The following CD36 variants were observed in gnomAD, a reference collection of about 807,000 sequenced individuals.
The protein encoded by CD36 is platelet glycoprotein 4.
In CD36, 119 loss-of-function variants were observed where a neutral mutation model predicts 55.2. The ratio of observed to expected loss-of-function variants is 2.15; its 90% confidence interval spans 1.86 to 2.51. The LOEUF is 2.51. Among genes scored for constraint, CD36 ranks in the 30% most tolerant of loss-of-function variants. CD36 has a pLI of 0.00. For synonymous variants in CD36, 186 were observed against 193.6 expected, an observed-to-expected ratio of 0.96 and a Z score of 0.33; for missense variants, 819 against 555.5, an observed-to-expected ratio of 1.47 and a Z score of -4.77.
intron 3 of CD36, among the ~76,000 whole-genome samples, chr7:80,647,956 AG>A (rs1408062021): frequency 1.3e-5 from 2 of 152,170 alleles, no homozygotes; most frequent in African/African-American, 4.8e-5. Context: ...CTATATTGTT[AG>A]TATTTTTAAT....
At chr7:80,639,485 G>A (rs891521270) in intron 1 of CD36, among the ~76,000 whole-genome samples, 1 of 151,814 alleles carries the variant, frequency 6.6e-6, no homozygotes, top group Non-Finnish European at 1.5e-5. Context: ...ATGCCAAGTT[G>A]AAGTAAAGGA....
At chr7:80,603,495 A>G (rs1046105742) in intron 1 of CD36, among the ~76,000 whole-genome samples, 4 of 152,156 alleles carry the variant, frequency 2.6e-5, no homozygotes, top group East Asian at 1.9e-4. Context: ...TAGGCAACCT[A>G]TCTTGTTTTC....
intron 2 of CD36, 152 bp downstream of exon 2, chr7:80,646,333 T>TAAAAAA: frequency 4.0e-6 from 1 of 248,418 alleles, no homozygotes; most frequent in Non-Finnish European, 8.0e-6. Context: ...GCAACTAAGT[T>TAAAAAA]GCTGAGACAA....
Position 80,676,560 on chromosome 7 carries a change from C to G in CD36, c.*177C>G, listed in dbSNP as rs1001926094. 4.6e-5 allele frequency: 7 copies of G among 152,168 alleles called. No homozygotes were observed. Among genetic ancestry groups the G allele is most frequent in the African/African-American group, 1.7e-4 (7 of 41,452 alleles). The allele number at this position is 152,168 out of a possible 1,614,324, so 9.4% of individuals were successfully genotyped here. On this transcript the variant is annotated 3_prime_UTR_variant, in exon 15 of 15. Transcript: ENST00000447544. Reference sequence around the variant, plus strand: ...CTGCCCTATTCAACTGCAACAGTCTCCAGGACCATCAGTATACTGCATTTC... The same window carrying G: ...CTGCCCTATTCAACTGCAACAGTCTGCAGGACCATCAGTATACTGCATTTC...
At chr7:80,612,949 G>T (rs1390220687) in intron 1 of CD36, among the ~76,000 whole-genome samples, 9 of 152,216 alleles carry the variant, frequency 5.9e-5, no homozygotes, top group Middle Eastern at 3.4e-3. Flanking sequence ...TCAAGTCTGT[G>T]ATTGAATAAT....
intron 7 of CD36, 44 bp downstream of exon 7, chr7:80,664,541 CTTAAGCAGGAATAGTATTCAT>C (rs773696966): frequency 1.7e-5 from 17 of 1,005,264 alleles, no homozygotes; most frequent in Non-Finnish European, 2.6e-5. Flanking sequence ...CTAGGGTACT[CTTAAGCAGGAATAGTATTCAT>C]TTAACATCTC....
At chr7:80,659,148 C>A (rs3211878) in intron 4 of CD36, among the ~76,000 whole-genome samples, 3,015 of 152,168 alleles carry the variant, frequency 0.02, 102 homozygotes, top group African/African-American at 0.068. Context: ...GAAAAACAAC[C>A]AGTACCTTTT....
chr7:80,653,124 C>A (rs1795753801), intron 3 of CD36, among the ~76,000 whole-genome samples: 1 of 152,038 alleles, frequency 6.6e-6, no homozygotes, highest in Non-Finnish European at 1.5e-5. Flanking sequence ...TCATTGTTGG[C>A]CACTTCAGTC....
intron 6 of CD36, among the ~76,000 whole-genome samples, chr7:80,663,649 G>A (rs1311842860): frequency 6.6e-6 from 1 of 152,022 alleles, no homozygotes; most frequent in Non-Finnish European, 1.5e-5. Flanking sequence ...ATTTTAATGG[G>A]ATTTGTAAAT....
intron 1 of CD36, among the ~76,000 whole-genome samples, chr7:80,615,323 A>G (rs1793086649): frequency 6.6e-6 from 1 of 152,216 alleles, no homozygotes; most frequent in Admixed American, 6.5e-5. Flanking sequence ...CTTACAGAAT[A>G]AAGTTCAATC....
chr7:80,621,663 C>A (rs1477048875), intron 1 of CD36, among the ~76,000 whole-genome samples: 1 of 151,936 alleles, frequency 6.6e-6, no homozygotes, highest in East Asian at 1.9e-4. Context: ...CCAAAGAACA[C>A]TAGAGAATCA....
At chr7:80,612,479 G>A (rs1792927416) in intron 1 of CD36, among the ~76,000 whole-genome samples, 1 of 152,150 alleles carries the variant, frequency 6.6e-6, no homozygotes. Flanking sequence ...AAGAAATTAA[G>A]GGGTCTTTCT....
At chr7:80,662,949 A>C (rs1562809304) in intron 5 of CD36, 41 bp from the exon 6 acceptor site, 1 of 1,464,208 alleles carries the variant, frequency 6.8e-7, no homozygotes, top group South Asian at 1.1e-5. Flanking sequence ...TTAAAATCTA[A>C]TATTGTATTC....
intron 13 of CD36, 177 bp downstream of exon 13, chr7:80,673,586 A>G (rs2116906509): frequency 1.7e-6 from 1 of 581,002 alleles, no homozygotes; most frequent in Non-Finnish European, 3.1e-6. Flanking sequence ...AACATTTCCT[A>G]TCATTTAAGA....
At chr7:80,661,359 A>G (rs1796515347) in intron 5 of CD36, 149 bp downstream of exon 5, 1 of 736,550 alleles carries the variant, frequency 1.4e-6, no homozygotes, top group South Asian at 1.7e-5. Context: ...AGGCATGGTC[A>G]TTTGGAAAGT....
Position 80,673,373 on chromosome 7 carries a change from G to GAGGAACTATATTGTGCCTATTCTT in CD36, c.1219_1242dup (p.Arg407_Leu414dup). 6.5e-7 allele frequency: 1 copy of GAGGAACTATATTGTGCCTATTCTT among 1,548,588 alleles called. No individual in the cohort carries two copies. The highest frequency in any genetic ancestry group is 1.4e-5 in the African/African-American group (1 of 73,646). ...ATTACAGAGTATTAAAGAATCTGAA[G>GAGGAACTATATTGTGCCTATTCTT]AGGAACTATATTGTGCCTATTCTTT... On this transcript the variant is annotated inframe_insertion, in exon 13 of 15. Transcript: ENST00000447544.
intron 1 of CD36, among the ~76,000 whole-genome samples, chr7:80,643,822 A>G (rs1228240302): frequency 2.0e-5 from 3 of 152,326 alleles, no homozygotes; most frequent in Non-Finnish European, 2.9e-5. Context: ...ACAGTGACAA[A>G]TCAGTCTTTG....
chr7:80,640,941 T>C (rs535907090), intron 1 of CD36, among the ~76,000 whole-genome samples: 1 of 152,202 alleles, frequency 6.6e-6, no homozygotes, highest in African/African-American at 2.4e-5. Flanking sequence ...CCATCATATA[T>C]TCTGATAGGA....
At position 80,673,409 on chromosome 7, in the gene CD36, G is replaced by T. The variant is rs758368075; in HGVS notation, c.1254G>T (p.Glu418Asp). The T allele has an allele frequency of 1.9e-6, 3 of 1,559,962 alleles. No individual in the cohort carries two copies. The highest frequency in any genetic ancestry group is 2.7e-5 in the African/African-American group (2 of 73,762). Residue 418 changes from glutamate to aspartate, a missense_variant and splice_region_variant, in exon 13 of 15, where the codon GAG becomes GAT. Transcript: ENST00000447544. Reference sequence around the variant, plus strand: ...TTGTGCCTATTCTTTGGCTTAATGAGGTTTGTATTTGCAGCTGTTAGTCAT... The same window carrying T: ...TTGTGCCTATTCTTTGGCTTAATGATGTTTGTATTTGCAGCTGTTAGTCAT... ...NYIVPILWLNETGTIGDEKAN... is the reference protein window; with the variant it reads ...NYIVPILWLNDTGTIGDEKAN...
Sources: gnomAD v4.1 joint callset for allele counts (sites outside exome capture counted in the v4.1 genomes callset) on GRCh38, gnomAD v4.1.1 for gene constraint, MANE v1.5 for transcripts, NCBI Gene and HGNC (gene_info 2026-07-23, HGNC 2026-07-21) for gene names.